Variants in RCC1 observed in about 807,000 individuals in gnomAD.
RCC1 encodes the protein regulator of chromosome condensation 1, also known as regulator of chromosome condensation.
In RCC1, 11 loss-of-function variants were observed where a neutral mutation model predicts 44.4. That is an observed-to-expected ratio of 0.25 (90% CI 0.16 to 0.41). The LOEUF is 0.41. Ranked by LOEUF, RCC1 falls within the 10% of genes least tolerant of loss-of-function variation. The pLI, the probability that RCC1 is intolerant of heterozygous loss-of-function variation, is 1.00. For synonymous variants in RCC1, 213 were observed against 216.5 expected (o/e 0.98, Z 0.14); for missense variants, 386 against 547.1 (o/e 0.71, Z 2.94).
chr1:28,530,409 C>A, intron 5 of RCC1: 3 of 854,644 alleles, frequency 3.5e-6, no homozygotes, highest in Non-Finnish European at 5.4e-6. Flanking sequence ...AGGGAGGTGG[C>A]TGTGGTTTCC....
intron 2 of RCC1, 32 bp from the exon 3 acceptor site, chr1:28,508,798 C>A (rs1166026969): frequency 3.9e-6 from 2 of 518,172 alleles, no homozygotes; most frequent in Non-Finnish European, 7.7e-6. Flanking sequence ...GTAGGATCTT[C>A]AGGAGTCTAA....
chr1:28,506,425 T>C (rs1428945068), intron 1 of RCC1: 1 of 345,380 alleles, frequency 2.9e-6, no homozygotes, highest in Non-Finnish European at 5.7e-6. Context: ...TTTCCGGTGA[T>C]CCACCACCCT....
At chr1:28,532,620 G>A (rs1334927594) in intron 7 of RCC1, 2 of 523,196 alleles carry the variant, frequency 3.8e-6, no homozygotes, top group African/African-American at 3.8e-5. Context: ...TGATCCAGGA[G>A]GCCTGCTGTC....
rs144393771 is a variant in RCC1 at position 28,536,971 on chromosome 1, G to C, written c.1090+72G>C. 930 of 1,545,060 alleles carry C rather than the reference G, an allele frequency of 6.0e-4. 3 individuals are homozygous for C. Among genetic ancestry groups the C allele is most frequent in the African/African-American group, 5.1e-3 (376 of 73,496 alleles). On this transcript the variant is annotated intron_variant, in intron 12 of 12. Transcript: ENST00000683442. The surrounding 1 kb of genome is among the most constrained non-coding windows in gnomAD (Gnocchi z 4.9). The stretch of plus-strand genomic sequence containing the variant: ...TGGTTCTTACCCAATTCCCCAATAG[G>C]CTGTGATGTCCACTCTCGGGGGAGC...
At chr1:28,506,605 G>T in intron 1 of RCC1, 1 of 186,254 alleles carries the variant, frequency 5.4e-6, no homozygotes, top group Non-Finnish European at 1.2e-5. Flanking sequence ...GACCCGCAGG[G>T]CTGCCGCCCG....
chr1:28,537,003 A>G (rs1570228950), intron 12 of RCC1, 104 bp downstream of exon 12: 3 of 1,290,208 alleles, frequency 2.3e-6, no homozygotes, highest in Admixed American at 4.2e-5. Flanking sequence ...GAGCCGAGGT[A>G]CAGAGAGCAG....
intron 7 of RCC1, among the ~76,000 whole-genome samples, chr1:28,533,197 CG>C (rs1557879225): frequency 6.6e-6 from 1 of 151,906 alleles, no homozygotes; most frequent in Non-Finnish European, 1.5e-5. Context: ...TTGGGCTGGG[CG>C]CGGTGGCTCA....
At chr1:28,533,488 T>G (rs1232924772) in intron 7 of RCC1, among the ~76,000 whole-genome samples, 3 of 114,958 alleles carry the variant, frequency 2.6e-5, no homozygotes, top group Admixed American at 1.9e-4. Context: ...AAAAAAGAAG[T>G]CCGGGCGCAG....
intron 1 of RCC1, chr1:28,507,917 T>G (rs1287267887): frequency 6.5e-6 from 2 of 306,398 alleles, no homozygotes; most frequent in Non-Finnish European, 1.3e-5. Context: ...GATTGAAGTC[T>G]TAATACATGT....
intron 4 of RCC1, chr1:28,527,345 T>C: frequency 2.0e-6 from 1 of 497,732 alleles, no homozygotes; most frequent in Admixed American, 3.1e-5. Context: ...GCTCACGCCA[T>C]CCTCCCACCT....
At chr1:28,520,274 G>C (rs1371964186) in intron 4 of RCC1, among the ~76,000 whole-genome samples, 2 of 152,168 alleles carry the variant, frequency 1.3e-5, no homozygotes, top group Non-Finnish European at 2.9e-5. Context: ...CTCCTGGTGT[G>C]GGGGACGGAG....
At chr1:28,530,493 C>T (rs1395788203) in intron 5 of RCC1, 1 of 1,580,338 alleles carries the variant, frequency 6.3e-7, no homozygotes, top group Admixed American at 1.7e-5. Context: ...AAGTGTGGAC[C>T]CACGCTCAGA....
chr1:28,509,310 T>A (rs375796328), intron 3 of RCC1: 3 of 177,812 alleles, frequency 1.7e-5, no homozygotes, highest in East Asian at 1.6e-4. Flanking sequence ...TTTCATGATC[T>A]TGCTCACTGC....
At chr1:28,523,814 G>T (rs567025764) in intron 4 of RCC1, among the ~76,000 whole-genome samples, 1 of 152,264 alleles carries the variant, frequency 6.6e-6, no homozygotes, top group African/African-American at 2.4e-5. Context: ...TAAAACAAGG[G>T]TGCCTCTTTT....
rs989312887 is a variant in RCC1 at position 28,532,421 on chromosome 1, C to G, written c.441+71C>G. The G allele has an allele frequency of 3.8e-5, 58 of 1,513,694 alleles. No homozygotes were observed. The South Asian group carries it at 5.8e-4, about 15-fold the overall frequency. 93.8% of individuals were successfully genotyped at this position (1,513,694 alleles called of 1,614,324 possible). A position where few individuals can be genotyped will look rare whatever the true frequency, so the allele number is the denominator to read the frequency against. Reference sequence around the variant, plus strand: ...TAATTGGCGGGGCCCCAAAGATAATCCACTTCCATGCCCCCATGGTACTTA... The same window carrying G: ...TAATTGGCGGGGCCCCAAAGATAATGCACTTCCATGCCCCCATGGTACTTA... On this transcript the variant is annotated intron_variant, in intron 7 of 12. Transcript: ENST00000683442.
chr1:28,511,330 G>C, intron 3 of RCC1, among the ~76,000 whole-genome samples: 1 of 152,018 alleles, frequency 6.6e-6, no homozygotes, highest in Non-Finnish European at 1.5e-5. Context: ...GCAGCAGCAT[G>C]ATCACTTATT....
In RCC1 at chr1:28,536,845, G is replaced by T; in HGVS notation, c.1036G>T (p.Ala346Ser). 6.2e-7 allele frequency: 1 copy of T among 1,614,192 alleles called. No homozygotes were observed. Among genetic ancestry groups the T allele is most frequent in the East Asian group, 2.2e-5 (1 of 44,880 alleles). Residue 346 changes from alanine (A) to serine (S), a missense_variant, in exon 12 of 13, where the codon GCT (alanine) becomes TCT (serine). Physicochemically the swap from Ala to Ser is moderately conservative, Grantham distance 99 (BLOSUM62 1). Coordinates refer to ENST00000683442, the MANE Select transcript of RCC1 (RefSeq NM_001381865.2). The surrounding 1 kb of genome is among the most constrained non-coding windows in gnomAD (Gnocchi z 4.9). ...SIPTLISRLP[A>S]VSSVACGASV... Reference sequence around the variant, plus strand: ...ACCCACCCTCATCTCCAGGCTGCCTGCTGTCTCCTCGGTGGCTTGTGGGGC... The same window carrying T: ...ACCCACCCTCATCTCCAGGCTGCCTTCTGTCTCCTCGGTGGCTTGTGGGGC...
chr1:28,516,501 CAAAAA>C (rs558641226), intron 3 of RCC1, among the ~76,000 whole-genome samples: 6 of 119,548 alleles, frequency 5.0e-5, no homozygotes, highest in Admixed American at 9.2e-5. Context: ...GACCCCATCT[CAAAAA>C]AAAAAAAAAA....
At position 28,508,807 on chromosome 1, in the gene RCC1, AATC is replaced by A. The variant is rs778586548; in HGVS notation, c.-228-20_-228-18del. ...GTTGAAGTAGGATCTTCAGGAGTCT[AATC>A]ATTATTTCTTTTCTTTTAGGAGAGA... On this transcript the variant is annotated intron_variant, in intron 2 of 12. Coordinates refer to ENST00000683442, the MANE Select transcript of RCC1 (RefSeq NM_001381865.2). The A allele has an allele frequency of 9.7e-6, 5 of 517,710 alleles. No individual in the cohort carries two copies. The highest frequency in any genetic ancestry group is 5.6e-5 in the South Asian group (4 of 71,502). 32.1% of individuals were successfully genotyped at this position (517,710 alleles called of 1,614,324 possible).
Sources: gnomAD v4.1 joint callset for allele counts (sites outside exome capture counted in the v4.1 genomes callset) on GRCh38, gnomAD v4.1.1 for gene constraint, Gnocchi (gnomAD v3.1) non-coding constraint, MANE v1.5 for transcripts, NCBI Gene and HGNC (gene_info 2026-07-23, HGNC 2026-07-21) for gene names.